MYRFL: variants seen among roughly 807,000 people sequenced by gnomAD.
MYRFL encodes myelin regulatory factor like.
In MYRFL, 88 loss-of-function variants were observed where a neutral mutation model predicts 109.4. The ratio of observed to expected loss-of-function variants is 0.80; its 90% CI spans 0.68 to 0.96. The LOEUF (loss-of-function observed/expected upper bound fraction) is 0.96. Ranked by LOEUF, MYRFL falls within the 40% of genes least tolerant of loss-of-function variation. The pLI, the probability that MYRFL is intolerant of heterozygous loss-of-function variation, is 0.00. For synonymous variants in MYRFL, 324 were observed against 320.9 expected, an observed-to-expected ratio of 1.01 and a Z score of -0.10; for missense variants, 957 against 954.9, an observed-to-expected ratio of 1.00 and a Z score of -0.03.
At chr12:69,835,175 CG>C (rs892719337) in intron 1 of MYRFL, among the ~76,000 whole-genome samples, 1 of 152,034 alleles carries the variant, frequency 6.6e-6, no homozygotes, top group Non-Finnish European at 1.5e-5. Context: ...CAGGAAAGGC[CG>C]GGGTGGTATA....
At chr12:69,855,763 T>A (rs1048687284) in intron 2 of MYRFL, among the ~76,000 whole-genome samples, 1 of 152,182 alleles carries the variant, frequency 6.6e-6, no homozygotes, top group African/African-American at 2.4e-5. Context: ...CATTTGTTGT[T>A]CTTGATGTCA....
intron 11 of MYRFL, among the ~76,000 whole-genome samples, chr12:69,907,020 A>G (rs1376192278): frequency 6.6e-6 from 1 of 152,220 alleles, no homozygotes; most frequent in Non-Finnish European, 1.5e-5. Flanking sequence ...CTCAACAGGC[A>G]TTGAAGAGCA....
intron 13 of MYRFL, among the ~76,000 whole-genome samples, chr12:69,922,315 A>G (rs1055928371): frequency 4.6e-5 from 7 of 152,186 alleles, no homozygotes; most frequent in Non-Finnish European, 1.0e-4. Context: ...TGCTGTTTCT[A>G]TCTTCATAAT....
At position 69,901,854 on chromosome 12, in the gene MYRFL, C is replaced by A. The variant is rs1022066011; in HGVS notation, c.1183-1790C>A. On this transcript the variant is annotated intron_variant, in intron 10 of 24. Transcript: ENST00000552032. ...TACTCTTCCCCCACTCCCCACTACC[C>A]TCCCACCCCATTACATTCTTTCACT... Among the ~76,000 whole-genome samples the A allele has an allele frequency of 2.6e-5, 4 of 151,926 alleles. 1 individual carries two copies. Among genetic ancestry groups the A allele is most frequent in the Admixed American group, 2.6e-4 (4 of 15,240 alleles).
intron 2 of MYRFL, among the ~76,000 whole-genome samples, chr12:69,860,260 T>C (rs1884560755): frequency 6.6e-6 from 1 of 152,218 alleles, no homozygotes; most frequent in South Asian, 2.1e-4. Flanking sequence ...TCCATCCATG[T>C]CCCTGCAAAG....
At chr12:69,849,102 G>A (rs1883733443) in intron 1 of MYRFL, among the ~76,000 whole-genome samples, 1 of 152,180 alleles carries the variant, frequency 6.6e-6, no homozygotes, top group Non-Finnish European at 1.5e-5. Flanking sequence ...AAACTCCTGG[G>A]CTTAAGTGAT....
chr12:69,936,008 G>A, intron 16 of MYRFL, 105 bp from the exon 17 acceptor site: 1 of 1,322,766 alleles, frequency 7.6e-7, no homozygotes, highest in East Asian at 2.6e-5. Flanking sequence ...CCATCTGTGT[G>A]GCCTGTGAGA....
intron 1 of MYRFL, among the ~76,000 whole-genome samples, chr12:69,847,620 G>A (rs1410682965): frequency 6.6e-6 from 1 of 151,980 alleles, no homozygotes; most frequent in Non-Finnish European, 1.5e-5. Context: ...TGGCTCTGGA[G>A]TCCTAGAAAA....
intron 15 of MYRFL, among the ~76,000 whole-genome samples, chr12:69,929,871 A>G (rs186803231): frequency 6.6e-6 from 1 of 152,350 alleles, no homozygotes; most frequent in African/African-American, 2.4e-5. Flanking sequence ...GTAGAGGATT[A>G]TTGTGAGGAT....
chr12:69,869,694 G>A (rs1411296159), intron 2 of MYRFL, among the ~76,000 whole-genome samples: 3 of 152,128 alleles, frequency 2.0e-5, no homozygotes, highest in African/African-American at 7.2e-5. Flanking sequence ...AGGCACCGAG[G>A]GATTCATTGG....
chr12:69,926,945 T>TTTTTTG lies in MYRFL; in HGVS notation c.1766+216_1766+217insGTTTTT. Among the ~76,000 whole-genome samples, 2 of 136,226 alleles carry TTTTTTG rather than the reference T, an allele frequency of 1.5e-5. 1 individual carries two copies. Among genetic ancestry groups the TTTTTTG allele is most frequent in the African/African-American group, 5.4e-5 (2 of 37,180 alleles). 89.4% of individuals were successfully genotyped at this position (136,226 alleles called of 152,430 possible). On this transcript the variant is annotated intron_variant, in intron 14 of 24. Coordinates refer to ENST00000552032, the MANE Select transcript of MYRFL (RefSeq NM_182530.3). ...TTTTCTGTTGCTGGTTTTTTTTTTT[T>TTTTTTG]TTTTTTTTTTTTTTTTGAGCCTGAG...
At position 69,879,384 on chromosome 12, in the gene MYRFL, A is replaced by G. The variant is rs565063783; in HGVS notation, c.395A>G (p.Asp132Gly). The G allele has an allele frequency of 6.7e-5, 47 of 702,904 alleles. No individual in the cohort carries two copies. Among genetic ancestry groups the G allele is most frequent in the African/African-American group, 5.4e-4 (31 of 57,390 alleles). The allele number at this position is 702,904 out of a possible 1,614,324, so 43.5% of individuals were successfully genotyped here. A position where few individuals can be genotyped will look rare whatever the true frequency, so the allele number is the denominator to read the frequency against. The change falls in exon 4 of 25, where the codon GAC (aspartate) becomes GGC (glycine). Residue 132 changes from aspartate (D) to glycine (G), a missense_variant. Physicochemically the swap from Asp to Gly is moderately conservative, Grantham distance 94. Transcript: ENST00000552032. ...SNASHLATPL[D>G]QSVSSHLGIG... ...GCCAGTCATCTTGCCACCCCCCTGG[A>G]CCAATCCGTGTCCTCCCATCTGGGG...
At chr12:69,834,240 A>G (rs925475490) in intron 1 of MYRFL, among the ~76,000 whole-genome samples, 3 of 152,256 alleles carry the variant, frequency 2.0e-5, no homozygotes, top group African/African-American at 7.2e-5. Flanking sequence ...TATTAACAAT[A>G]TAAGAAACAA....
chr12:69,918,436 C>T (rs1025647932), intron 13 of MYRFL, among the ~76,000 whole-genome samples: 5 of 152,044 alleles, frequency 3.3e-5, no homozygotes, highest in African/African-American at 7.3e-5. Flanking sequence ...GTCAAGTGAA[C>T]GAATAGGATC....
At chr12:69,881,612 C>T (rs1384882918) in intron 5 of MYRFL, among the ~76,000 whole-genome samples, 1 of 152,212 alleles carries the variant, frequency 6.6e-6, no homozygotes, top group Non-Finnish European at 1.5e-5. Context: ...ATGATGACTT[C>T]ACCCTGTCAG....
At chr12:69,859,411 A>C (rs891129188) in intron 2 of MYRFL, among the ~76,000 whole-genome samples, 11 of 152,108 alleles carry the variant, frequency 7.2e-5, no homozygotes, top group Admixed American at 6.6e-5. Context: ...CTTTCTACTA[A>C]TTTTATCTAC....
At chr12:69,925,184 G>A (rs999678810) in intron 13 of MYRFL, among the ~76,000 whole-genome samples, 5 of 152,130 alleles carry the variant, frequency 3.3e-5, no homozygotes, top group Non-Finnish European at 5.9e-5. Context: ...TTGAGGAAAG[G>A]CATTTTTATC....
intron 13 of MYRFL, among the ~76,000 whole-genome samples, chr12:69,926,307 C>G (rs1955080511): frequency 6.6e-6 from 1 of 151,988 alleles, no homozygotes; most frequent in Non-Finnish European, 1.5e-5. Flanking sequence ...TTGCCAATGT[C>G]CTTCAGCTCC....
chr12:69,892,413 T>C (rs1566003658), intron 7 of MYRFL, among the ~76,000 whole-genome samples: 1 of 152,212 alleles, frequency 6.6e-6, no homozygotes, highest in Non-Finnish European at 1.5e-5. Context: ...GTTTTTGTTG[T>C]TGTTTTGTTT....
Sources: allele counts gnomAD v4.1 joint callset (sites outside exome capture counted in the v4.1 genomes callset), GRCh38; gene constraint gnomAD v4.1.1; transcripts MANE v1.5; gene names NCBI Gene and HGNC (gene_info 2026-07-23, HGNC 2026-07-21).